Variants in PCDH11X observed in about 807,000 individuals in gnomAD.
The protein encoded by PCDH11X is protocadherin 11 X-linked, also known as protocadherin-11 X-linked.
A neutral mutation model predicts 53.3 loss-of-function variants in PCDH11X; 18 were observed. The observed-to-expected ratio is 0.34, with a 90% confidence interval of 0.23 to 0.50. The LOEUF is 0.50. PCDH11X is among the 20% of genes least tolerant of loss of function. PCDH11X has a pLI of 0.98. For synonymous variants in PCDH11X, 279 were observed against 393.3 expected (o/e 0.71, Z 3.44); for missense variants, 570 against 1,032.4 (o/e 0.55, Z 6.14).
At chrX:92,151,601 TATA>T (rs1312703690) in intron 6 of PCDH11X, among the ~76,000 whole-genome samples, 1 of 111,003 alleles carries the variant, frequency 9.0e-6, no homozygotes, top group Non-Finnish European at 1.9e-5. Context: ...TATTTTCTAA[TATA>T]ATTTGTTTTT....
chrX:92,109,857 A>G (rs1376138598), intron 6 of PCDH11X, among the ~76,000 whole-genome samples: 1 of 112,556 alleles, frequency 8.9e-6, no homozygotes, highest in Non-Finnish European at 1.9e-5. Context: ...TAAAGGTTAG[A>G]AGCAAGATGG....
intron 9 of PCDH11X, among the ~76,000 whole-genome samples, chrX:92,434,328 G>T (rs2072320018): frequency 9.2e-6 from 1 of 109,060 alleles, no homozygotes; most frequent in African/African-American, 3.4e-5. Flanking sequence ...ATCTTAGCAA[G>T]ATTCTATAAT....
intron 10 of PCDH11X, among the ~76,000 whole-genome samples, chrX:92,584,585 T>A (rs1383710152): frequency 9.1e-6 from 1 of 109,996 alleles, no homozygotes; most frequent in Non-Finnish European, 1.9e-5. Context: ...ATCGAAATAG[T>A]TCTGTGTTTA....
intron 9 of PCDH11X, among the ~76,000 whole-genome samples, chrX:92,393,134 G>T (rs56060531): frequency 1.3e-4 from 14 of 110,360 alleles, no homozygotes; most frequent in African/African-American, 4.2e-4. Flanking sequence ...AAAGAAAAGT[G>T]AATGCATCAT....
chrX:91,881,211 GT>G (rs1265849560), intron 6 of PCDH11X, among the ~76,000 whole-genome samples: 2 of 109,773 alleles, frequency 1.8e-5, no homozygotes, highest in African/African-American at 6.6e-5. Flanking sequence ...TCACTTTTTT[GT>G]TTTTTTAAAA....
intron 10 of PCDH11X, among the ~76,000 whole-genome samples, chrX:92,507,452 T>G (rs1408291657): frequency 8.9e-6 from 1 of 111,794 alleles, no homozygotes; most frequent in East Asian, 2.8e-4. Context: ...TTCAAAGTGC[T>G]TCATCTTCCG....
chrX:92,109,581 C>T (rs2064457996), intron 6 of PCDH11X, among the ~76,000 whole-genome samples: 1 of 111,207 alleles, frequency 9.0e-6, no homozygotes, highest in Non-Finnish European at 1.9e-5. Flanking sequence ...ATATCTCAAG[C>T]ACTGATCTTA....
intron 8 of PCDH11X, among the ~76,000 whole-genome samples, chrX:92,372,117 G>A (rs1281692904): frequency 1.8e-5 from 2 of 110,699 alleles, no homozygotes; most frequent in Non-Finnish European, 3.8e-5. Flanking sequence ...AGGACAGTGA[G>A]GAATTCATGA....
intron 9 of PCDH11X, among the ~76,000 whole-genome samples, chrX:92,395,612 T>G (rs1239433534): frequency 2.7e-5 from 3 of 111,079 alleles, no homozygotes; most frequent in Non-Finnish European, 5.7e-5. Flanking sequence ...TCCCAGAATT[T>G]ACATGTGCAG....
At chrX:92,307,074 CA>C (rs1252740399) in intron 8 of PCDH11X, among the ~76,000 whole-genome samples, 1 of 109,637 alleles carries the variant, frequency 9.1e-6, no homozygotes, top group Non-Finnish European at 1.9e-5. Flanking sequence ...CAAATTCTTC[CA>C]AAAAATTATA....
intron 10 of PCDH11X, among the ~76,000 whole-genome samples, chrX:92,550,305 T>A (rs1460403519): frequency 9.3e-6 from 1 of 107,772 alleles, no homozygotes; most frequent in Non-Finnish European, 1.9e-5. Flanking sequence ...AATAAAGGGT[T>A]TGCATTTTTC....
At chrX:92,131,414 GA>G (rs1004426354) in intron 6 of PCDH11X, among the ~76,000 whole-genome samples, 7 of 111,352 alleles carry the variant, frequency 6.3e-5, no homozygotes, top group African/African-American at 1.6e-4. Flanking sequence ...GTCAGGTGAG[GA>G]AATAACTTAA....
chrX:91,944,502 G>A (rs2061549139), intron 6 of PCDH11X, among the ~76,000 whole-genome samples: 3 of 101,804 alleles, frequency 2.9e-5, no homozygotes, highest in Middle Eastern at 5.3e-3. Flanking sequence ...AGTAACTTTC[G>A]GGTGAATCAT....
intron 6 of PCDH11X, among the ~76,000 whole-genome samples, chrX:91,974,561 G>A (rs1002792209): frequency 1.5e-4 from 17 of 110,188 alleles, no homozygotes; most frequent in Non-Finnish European, 2.8e-4. Context: ...ATCGTAAGGT[G>A]TTCAGTGTGG....
At chrX:92,465,378 T>G (rs1434964986) in intron 9 of PCDH11X, among the ~76,000 whole-genome samples, 1 of 111,878 alleles carries the variant, frequency 8.9e-6, no homozygotes, top group Non-Finnish European at 1.9e-5. Flanking sequence ...TCTTTGAAAA[T>G]GTTTTCACTT....
intron 9 of PCDH11X, among the ~76,000 whole-genome samples, chrX:92,403,425 T>C (rs1295657374): frequency 2.9e-5 from 3 of 104,408 alleles, no homozygotes; most frequent in Non-Finnish European, 3.9e-5. Flanking sequence ...AAATCTCTTC[T>C]TTCTGCTAAG....
intron 6 of PCDH11X, among the ~76,000 whole-genome samples, chrX:92,082,107 C>A (rs778292366): frequency 9.0e-6 from 1 of 111,299 alleles, no homozygotes; most frequent in East Asian, 2.8e-4. Context: ...GTGGCAAAGC[C>A]AAGACCGAAA....
rs1303722299 is a variant in PCDH11X at position 92,622,638 on chromosome X, A to G, written c.*3698A>G. ...ATTTTGAATGCTTCCAACTGGCTCA[A>G]TTGGCCGGGAAAACATGGGAGCAAG... On this transcript the variant is annotated 3_prime_UTR_variant, in exon 11 of 11. Coordinates refer to ENST00000682573, the MANE Select transcript of PCDH11X (RefSeq NM_032968.5). The G allele has an allele frequency of 9.0e-6, 1 of 111,076 alleles. No individual in the cohort carries two copies. The highest frequency in any genetic ancestry group is 9.7e-5 in the Admixed American group (1 of 10,324). The allele number at this position is 111,076 out of a possible 1,213,427, so 9.2% of individuals were successfully genotyped here.
intron 6 of PCDH11X, among the ~76,000 whole-genome samples, chrX:92,015,525 C>A (rs1177681565): frequency 8.9e-6 from 1 of 112,614 alleles, no homozygotes; most frequent in Admixed American, 9.5e-5. Flanking sequence ...TATTCTAAAT[C>A]TTTTGTTGTC....
Sources: gnomAD v4.1 joint callset for allele counts (sites outside exome capture counted in the v4.1 genomes callset) on GRCh38, gnomAD v4.1.1 for gene constraint, MANE v1.5 for transcripts, NCBI Gene and HGNC (gene_info 2026-07-23, HGNC 2026-07-21) for gene names.